PKN2: variants seen among roughly 807,000 people sequenced by gnomAD.
The protein encoded by PKN2 is protein kinase N2, also known as serine/threonine-protein kinase N2.
Under a neutral mutation model 119.1 loss-of-function variants are expected in PKN2, and 38 were observed. The ratio of observed to expected loss-of-function variants is 0.32; its 90% CI spans 0.25 to 0.42. The LOEUF (loss-of-function observed/expected upper bound fraction) is 0.42. Among genes scored for constraint, PKN2 ranks in the 10% least tolerant of loss-of-function variants. PKN2 has a pLI of 1.00. For missense variants in PKN2, 850 were observed against 1,165.1 expected (o/e 0.73, Z 3.94); for synonymous variants, 390 against 384.9 (o/e 1.01, Z -0.15).
At position 88,684,495 on chromosome 1, in the gene PKN2, T is replaced by G; in HGVS notation, c.-86T>G. ...TTTTTTTTTTTCTTTCTCTCCCCTCTCCTCACCCCCACCCCGAGCCCCGTC... is the reference window on the plus strand; with the variant it reads ...TTTTTTTTTTTCTTTCTCTCCCCTCGCCTCACCCCCACCCCGAGCCCCGTC... On this transcript the variant is annotated 5_prime_UTR_variant, in exon 1 of 22. Transcript: ENST00000370521. The G allele has an allele frequency of 1.2e-6, 1 of 847,208 alleles. No homozygotes were observed. The highest frequency in any genetic ancestry group is 1.9e-5 in the African/African-American group (1 of 53,220). The allele number at this position is 847,208 out of a possible 1,614,324, so 52.5% of individuals were successfully genotyped here. A position where few individuals can be genotyped will look rare whatever the true frequency, so the allele number is the denominator to read the frequency against.
At chr1:88,831,019 CT>C (rs1420864483) in intron 19 of PKN2, among the ~76,000 whole-genome samples, 1 of 151,974 alleles carries the variant, frequency 6.6e-6, no homozygotes, top group African/African-American at 2.4e-5. Context: ...TATACTTCTA[CT>C]AGTTTTGATT....
At chr1:88,710,021 C>T (rs1049089804) in intron 1 of PKN2, among the ~76,000 whole-genome samples, 1 of 152,056 alleles carries the variant, frequency 6.6e-6, no homozygotes, top group African/African-American at 2.4e-5. Context: ...AATAGGGAGA[C>T]TAGGAATACA....
chr1:88,751,635 A>G (rs1669002941), intron 2 of PKN2, among the ~76,000 whole-genome samples: 1 of 152,152 alleles, frequency 6.6e-6, no homozygotes, highest in Non-Finnish European at 1.5e-5. Context: ...TTCTATTTAT[A>G]TCATTTTAGC....
chr1:88,830,057 C>T (rs1345071411), intron 19 of PKN2, among the ~76,000 whole-genome samples: 1 of 152,122 alleles, frequency 6.6e-6, no homozygotes, highest in East Asian at 1.9e-4. Flanking sequence ...TTGCAACAGC[C>T]TTTAATAAGC....
At chr1:88,721,572 G>T (rs944467253) in intron 1 of PKN2, among the ~76,000 whole-genome samples, 5 of 152,090 alleles carry the variant, frequency 3.3e-5, no homozygotes, top group African/African-American at 1.2e-4. Flanking sequence ...AGGTTTTTCT[G>T]ATTATTGGGA....
At chr1:88,800,037 A>G (rs1253239387) in intron 8 of PKN2, among the ~76,000 whole-genome samples, 2 of 152,220 alleles carry the variant, frequency 1.3e-5, no homozygotes, top group Non-Finnish European at 2.9e-5. Context: ...TTTAGTGGCA[A>G]CAGAAAGCTT....
intron 12 of PKN2, 51 bp downstream of exon 12, chr1:88,806,068 A>G (rs918412489): frequency 2.6e-6 from 4 of 1,509,614 alleles, no homozygotes; most frequent in South Asian, 1.1e-5. Flanking sequence ...TGAATTAGCA[A>G]TAAAAGCATC....
At chr1:88,690,694 A>C (rs1174424909) in intron 1 of PKN2, among the ~76,000 whole-genome samples, 4 of 152,212 alleles carry the variant, frequency 2.6e-5, no homozygotes, top group Non-Finnish European at 4.4e-5. Context: ...CTCTATTATC[A>C]TACTTGGTTT....
intron 1 of PKN2, among the ~76,000 whole-genome samples, chr1:88,715,314 A>G (rs771589502): frequency 8.6e-5 from 13 of 152,008 alleles, no homozygotes; most frequent in African/African-American, 3.1e-4. Context: ...CTCTTTTTCT[A>G]TTGATTGGAA....
At chr1:88,748,760 CTT>C (rs1487253977) in intron 2 of PKN2, among the ~76,000 whole-genome samples, 1 of 129,118 alleles carries the variant, frequency 7.7e-6, no homozygotes, top group African/African-American at 2.8e-5. Context: ...CATAGTGAAA[CTT>C]CATCTCCACA....
At chr1:88,754,559 T>G (rs1329486004) in intron 2 of PKN2, among the ~76,000 whole-genome samples, 4 of 152,196 alleles carry the variant, frequency 2.6e-5, no homozygotes, top group Non-Finnish European at 5.9e-5. Flanking sequence ...ACAATCGCAT[T>G]TTATTAGAAA....
chr1:88,800,588 C>T (rs1257996576), intron 8 of PKN2, among the ~76,000 whole-genome samples: 1 of 152,194 alleles, frequency 6.6e-6, no homozygotes, highest in Non-Finnish European at 1.5e-5. Flanking sequence ...CTCACAGTGT[C>T]CCATAGATGT....
intron 19 of PKN2, among the ~76,000 whole-genome samples, chr1:88,829,595 TAGG>T (rs1186240071): frequency 2.0e-5 from 3 of 152,174 alleles, no homozygotes; most frequent in Non-Finnish European, 2.9e-5. Flanking sequence ...AAGGCAATAA[TAGG>T]AGACTAATAA....
intron 8 of PKN2, among the ~76,000 whole-genome samples, chr1:88,797,334 T>TAAA (rs1305618821): frequency 7.9e-6 from 1 of 126,354 alleles, no homozygotes; most frequent in African/African-American, 3.0e-5. Context: ...AACTCTATCT[T>TAAA]AAAAAAAAAA....
intron 16 of PKN2, 58 bp downstream of exon 16, chr1:88,813,791 G>T: frequency 7.4e-7 from 1 of 1,348,240 alleles, no homozygotes; most frequent in Non-Finnish European, 1.0e-6. Flanking sequence ...ATTCTGGGAA[G>T]GAAAAGAGAT....
At chr1:88,712,321 G>GA (rs1235249326) in intron 1 of PKN2, among the ~76,000 whole-genome samples, 4 of 151,690 alleles carry the variant, frequency 2.6e-5, no homozygotes, top group Non-Finnish European at 5.9e-5. Flanking sequence ...TAATTTTTTA[G>GA]GAAAAAAACC....
intron 2 of PKN2, among the ~76,000 whole-genome samples, chr1:88,747,708 A>G (rs965431743): frequency 5.3e-5 from 8 of 152,078 alleles, no homozygotes; most frequent in African/African-American, 1.2e-4. Flanking sequence ...TATATTTTCA[A>G]ACCCCACCAA....
intron 19 of PKN2, chr1:88,829,499 C>A: frequency 5.5e-6 from 1 of 181,268 alleles, no homozygotes. Flanking sequence ...TTTTTTCCTA[C>A]TGTTTTCTGT....
At chr1:88,728,016 C>CTTTT (rs34460979) in intron 1 of PKN2, among the ~76,000 whole-genome samples, 12 of 130,770 alleles carry the variant, frequency 9.2e-5, no homozygotes, top group Non-Finnish European at 9.7e-5. Context: ...TTTCTTGGGG[C>CTTTT]TTTTTTTTTT....
Sources: allele counts gnomAD v4.1 joint callset (sites outside exome capture counted in the v4.1 genomes callset), GRCh38; gene constraint gnomAD v4.1.1; transcripts MANE v1.5; gene names NCBI Gene and HGNC (gene_info 2026-07-23, HGNC 2026-07-21).